ADAMTS2: variants seen among roughly 807,000 people sequenced by gnomAD.
ADAMTS2 encodes ADAM metallopeptidase with thrombospondin type 1 motif 2, also known as A disintegrin and metalloproteinase with thrombospondin motifs 2.
Under a neutral mutation model 123.0 loss-of-function variants are expected in ADAMTS2, and 50 were observed. The observed-to-expected ratio is 0.41, with a 90% CI of 0.32 to 0.51. The LOEUF (loss-of-function observed/expected upper bound fraction) is 0.51, where lower values mean the gene tolerates loss of function less well. Ranked by LOEUF, ADAMTS2 falls within the 20% of genes least tolerant of loss-of-function variation. ADAMTS2 has a pLI of 0.35. For synonymous variants in ADAMTS2, 678 were observed against 695.4 expected (o/e 0.98, Z 0.39); for missense variants, 1,494 against 1,705.2 (o/e 0.88, Z 2.18).
chr5:179,121,859 C>T (rs558872441), intron 20 of ADAMTS2, 109 bp from the exon 21 acceptor site: 4 of 681,864 alleles, frequency 5.9e-6, no homozygotes, highest in Non-Finnish European at 9.6e-6. Flanking sequence ...TCATTCAAGG[C>T]CCTCGCCTCC....
rs1414104187 is a variant in ADAMTS2, at chr5:179,241,585, G to GT, written c.688+31325dup. On this transcript the variant is annotated intron_variant, in intron 3 of 21. Transcript: ENST00000251582. ...TGTCAAAGGCCATTCTGTAATTTCA[G>GT]TGTATTAAAATCAAAAGAGCACAGC... 2.6e-5 allele frequency among the ~76,000 whole-genome samples: 4 copies of GT among 152,320 alleles called. No homozygotes were observed. The East Asian group carries it at 7.7e-4, about 29-fold the overall frequency.
intron 2 of ADAMTS2, among the ~76,000 whole-genome samples, chr5:179,278,312 T>G (rs1321038062): frequency 6.6e-6 from 1 of 151,888 alleles, no homozygotes; most frequent in African/African-American, 2.4e-5. Context: ...CTTCAGTATA[T>G]GCATCCCAGG....
intron 4 of ADAMTS2, among the ~76,000 whole-genome samples, chr5:179,182,022 C>T (rs1435627758): frequency 6.6e-6 from 1 of 152,144 alleles, no homozygotes; most frequent in East Asian, 1.9e-4. Flanking sequence ...TAGCGCAGCC[C>T]CCTTCCTGTC....
intron 5 of ADAMTS2, among the ~76,000 whole-genome samples, chr5:179,163,321 T>G (rs1207346888): frequency 6.6e-6 from 1 of 151,702 alleles, no homozygotes; most frequent in Non-Finnish European, 1.5e-5. Flanking sequence ...TAGAATAGAG[T>G]GGGGGTCGGT....
rs1229719816 is a variant in ADAMTS2 at position 179,188,378 on chromosome 5, G to A, written c.892-7223C>T. Reference sequence around the variant, plus strand: ...GCCAGGCTTGGACCACCAGGATGGAGGCAGAGAAGAGAGTGCAGCCAGGAG... The same window carrying A: ...GCCAGGCTTGGACCACCAGGATGGAAGCAGAGAAGAGAGTGCAGCCAGGAG... On this transcript the variant is annotated intron_variant, in intron 4 of 21. Coordinates refer to ENST00000251582, the MANE Select transcript of ADAMTS2 (RefSeq NM_014244.5). This position sits in a 1 kb window ranked among gnomAD's most constrained non-coding sequence, Gnocchi z 5.1. 6.6e-6 allele frequency among the ~76,000 whole-genome samples: 1 copy of A among 152,196 alleles called. No individual in the cohort carries two copies. The highest frequency in any genetic ancestry group is 1.9e-4 in the East Asian group (1 of 5,176).
At chr5:179,315,866 C>A (rs1756975912) in intron 2 of ADAMTS2, among the ~76,000 whole-genome samples, 1 of 152,072 alleles carries the variant, frequency 6.6e-6, no homozygotes, top group African/African-American at 2.4e-5. Flanking sequence ...AAGAAAGGAG[C>A]AAGAGACAGA....
At chr5:179,125,921 C>T (rs1762847371) in intron 18 of ADAMTS2, 77 bp downstream of exon 18, 1 of 1,594,464 alleles carries the variant, frequency 6.3e-7, no homozygotes, top group African/African-American at 1.3e-5. Context: ...GCCCAGGCCC[C>T]ACACCTCCAA....
At chr5:179,282,355 T>C (rs368780301) in intron 2 of ADAMTS2, among the ~76,000 whole-genome samples, 69 of 152,390 alleles carry the variant, frequency 4.5e-4, no homozygotes, top group African/African-American at 1.6e-3. Context: ...TTTTTCCATA[T>C]GTGGATATCC....
At chr5:179,230,601 T>A (rs573888385) in intron 3 of ADAMTS2, among the ~76,000 whole-genome samples, 136 of 152,358 alleles carry the variant, frequency 8.9e-4, no homozygotes, top group African/African-American at 3.2e-3. Context: ...TGGATTTGGC[T>A]GGCACCACTG....
chr5:179,326,142 A>G (rs1457686650), intron 2 of ADAMTS2, among the ~76,000 whole-genome samples: 2 of 151,958 alleles, frequency 1.3e-5, no homozygotes, highest in East Asian at 3.9e-4. Flanking sequence ...TCTTTTCCGC[A>G]TCTTGACTAA....
rs778159122 is a variant in ADAMTS2 at position 179,132,184 on chromosome 5, G to A, written c.2290+46C>T. On this transcript the variant is annotated intron_variant, in intron 15 of 21. Coordinates refer to ENST00000251582, the MANE Select transcript of ADAMTS2 (RefSeq NM_014244.5). This position sits in a 1 kb window ranked among gnomAD's most constrained non-coding sequence, Gnocchi z 6.1. Reference sequence around the variant, plus strand: ...TGGCACTCTGCCCATTGATCCCAGAGGAGCCAGGTCCTGAGGACGTCAAGT... The same window carrying A: ...TGGCACTCTGCCCATTGATCCCAGAAGAGCCAGGTCCTGAGGACGTCAAGT... 6.3e-7 allele frequency: 1 copy of A among 1,582,076 alleles called. No individual in the cohort carries two copies. The highest frequency in any genetic ancestry group is 1.7e-5 in the Admixed American group (1 of 59,834).
chr5:179,157,607 A>G (rs889832305), intron 6 of ADAMTS2, among the ~76,000 whole-genome samples: 9 of 151,800 alleles, frequency 5.9e-5, no homozygotes, highest in African/African-American at 2.2e-4. Flanking sequence ...CTGGGCTCAA[A>G]CAATCCTCCC....
Position 179,137,903 on chromosome 5 carries a change from T to C in ADAMTS2, c.1817A>G (p.Asp606Gly). ...GTCCTGGCGGCTGCAGAGCTGGAAGTCGTAGGCAAGGCCCGAGCAGGTGCG... is the reference window on the plus strand; with the variant it reads ...GTCCTGGCGGCTGCAGAGCTGGAAGCCGTAGGCAAGGCCCGAGCAGGTGCG... The part of the protein sequence containing the change: ...GGRTCSGLAY[D>G]FQLCSRQDCP... Residue 606 changes from aspartate (D) to glycine (G), a missense_variant, in exon 12 of 22, where the codon GAC becomes GGC. Physicochemically the swap from Asp to Gly is moderately conservative, Grantham distance 94. Transcript: ENST00000251582. 2.6e-6 allele frequency: 4 copies of C among 1,553,658 alleles called. No homozygotes were observed. Among genetic ancestry groups the C allele is most frequent in the Non-Finnish European group, 3.5e-6 (4 of 1,150,216 alleles).
At chr5:179,264,628 C>G (rs1466162353) in intron 3 of ADAMTS2, among the ~76,000 whole-genome samples, 1 of 152,190 alleles carries the variant, frequency 6.6e-6, no homozygotes, top group East Asian at 1.9e-4. Context: ...CAACACAGAT[C>G]CAAGGGAAGG....
chr5:179,234,904 G>T lies in ADAMTS2; in HGVS notation c.689-27189C>A, dbSNP rs922143895. On this transcript the variant is annotated intron_variant, in intron 3 of 21. Transcript: ENST00000251582. This position sits in a 1 kb window ranked among gnomAD's most constrained non-coding sequence, Gnocchi z 4.7. ...CTTCCCAAGCCTAGCAGACCCGTGC[G>T]GGAGTGCGAGCACACTGGCTAGGGC... 6.6e-6 allele frequency among the ~76,000 whole-genome samples: 1 copy of T among 152,148 alleles called. No individual in the cohort carries two copies. Among genetic ancestry groups the T allele is most frequent in the Non-Finnish European group, 1.5e-5 (1 of 68,026 alleles).
intron 3 of ADAMTS2, among the ~76,000 whole-genome samples, chr5:179,209,054 G>C (rs1764787572): frequency 6.6e-6 from 1 of 152,202 alleles, no homozygotes; most frequent in Non-Finnish European, 1.5e-5. Flanking sequence ...CTCCCTCCCT[G>C]TGAGGGTGGC....
chr5:179,215,013 C>T (rs1053642507), intron 3 of ADAMTS2, among the ~76,000 whole-genome samples: 2 of 151,974 alleles, frequency 1.3e-5, no homozygotes, highest in African/African-American at 2.4e-5. Flanking sequence ...GAAGACCACA[C>T]CAGACAGAAA....
chr5:179,231,242 C>T (rs1290259616), intron 3 of ADAMTS2, among the ~76,000 whole-genome samples: 2 of 152,112 alleles, frequency 1.3e-5, no homozygotes, highest in East Asian at 1.9e-4. Context: ...GCTGGGGGAG[C>T]GGGAAATGGG....
intron 4 of ADAMTS2, among the ~76,000 whole-genome samples, chr5:179,190,230 T>C (rs1017500406): frequency 6.6e-6 from 1 of 152,010 alleles, no homozygotes; most frequent in Non-Finnish European, 1.5e-5. Context: ...TTGGGGGTGA[T>C]ATGGAGAGAT....
Sources: gnomAD v4.1 joint callset for allele counts (sites outside exome capture counted in the v4.1 genomes callset) on GRCh38, gnomAD v4.1.1 for gene constraint, Gnocchi (gnomAD v3.1) non-coding constraint, MANE v1.5 for transcripts, NCBI Gene and HGNC (gene_info 2026-07-23, HGNC 2026-07-21) for gene names.